The following FGF9 variants were observed in gnomAD, a reference collection of about 807,000 sequenced individuals.
FGF9 encodes fibroblast growth factor 9.
A neutral mutation model predicts 19.9 loss-of-function variants in FGF9; 3 were observed. The observed-to-expected ratio is 0.15, with a 90% confidence interval of 0.07 to 0.39. The LOEUF (loss-of-function observed/expected upper bound fraction) is 0.39. FGF9 is among the 10% of genes least tolerant of loss of function. The pLI is 1.00. For synonymous variants in FGF9, 107 were observed against 106.9 expected (o/e 1.00, Z -0.01); for missense variants, 175 against 256.8 (o/e 0.68, Z 2.18).
Position 21,671,408 on chromosome 13 carries a change from G to A in FGF9, c.-505G>A. 1 of 401,318 alleles carries A rather than the reference G, an allele frequency of 2.5e-6. No individual in the cohort carries two copies. The allele number at this position is 401,318 out of a possible 1,614,324, so 24.9% of individuals were successfully genotyped here. On this transcript the variant is annotated 5_prime_UTR_variant, in exon 1 of 3. It removes an upstream start codon present in the reference 5' UTR. Transcript: ENST00000382353. ...TTCCCCTTGAAGGATTCATGCTGAT[G>A]TCTGCAGAGTCGGTTAGAGAGTAAA...
At chr13:21,684,629 T>C (rs1467719164) in intron 2 of FGF9, among the ~76,000 whole-genome samples, 2 of 152,262 alleles carry the variant, frequency 1.3e-5, no homozygotes, top group East Asian at 3.9e-4. Context: ...GATAATGTAG[T>C]GTCAAGGGCA....
chr13:21,695,980 C>T (rs975688582), intron 2 of FGF9, among the ~76,000 whole-genome samples: 2 of 152,162 alleles, frequency 1.3e-5, no homozygotes, highest in Admixed American at 6.5e-5. Context: ...TTTAAAATAA[C>T]AGCATGGCGT....
chr13:21,686,270 C>T (rs1050292519), intron 2 of FGF9, among the ~76,000 whole-genome samples: 3 of 152,186 alleles, frequency 2.0e-5, no homozygotes, highest in Non-Finnish European at 4.4e-5. Context: ...ATCAAGTGAT[C>T]TGCCAGCCTC....
Position 21,672,332 on chromosome 13 carries a change from C to T in FGF9, c.277+143C>T, listed in dbSNP as rs1023897311. 8 of 918,296 alleles carry T rather than the reference C, an allele frequency of 8.7e-6. No homozygotes were observed. Among genetic ancestry groups the T allele is most frequent in the Non-Finnish European group, 1.4e-5 (8 of 587,036 alleles). The allele number at this position is 918,296 out of a possible 1,614,324, so 56.9% of individuals were successfully genotyped here. ...TCTGTATCTCTGTCTCTCTCTCTCT[C>T]TGTCTTGCCAGCTCCGAAAAAAAAA... On this transcript the variant is annotated intron_variant, in intron 1 of 2. Transcript: ENST00000382353. The surrounding 1 kb of genome is among the most constrained non-coding windows in gnomAD (Gnocchi z 4.2).
rs1871780186 is a variant in FGF9 at position 21,672,001 on chromosome 13, C to T, written c.89C>T (p.Pro30Leu). 3.7e-6 allele frequency: 6 copies of T among 1,614,154 alleles called. No individual in the cohort carries two copies. The highest frequency in any genetic ancestry group is 4.2e-6 in the Non-Finnish European group (5 of 1,180,020). Residue 30 changes from proline (P) to leucine (L), a missense_variant, in exon 1 of 3, where the codon CCG becomes CTG. Physicochemically the swap from Pro to Leu is moderately conservative, Grantham distance 98 (BLOSUM62 -3). Around this residue, in one of 3 missense-constraint regions of FGF9, gnomAD observed 69 missense variants for 73.6 expected, o/e 0.94. Coordinates refer to ENST00000382353, the MANE Select transcript of FGF9 (RefSeq NM_002010.3). This position sits in a 1 kb window ranked among gnomAD's most constrained non-coding sequence, Gnocchi z 4.2. ...GNVPVLPVDS[P>L]VLLSDHLGQS... is the part of the protein sequence containing the mutation. Reference sequence around the variant, plus strand: ...GTGCCCGTGTTGCCGGTGGACAGCCCGGTTTTGTTAAGTGACCACCTGGGT... The same window carrying T: ...GTGCCCGTGTTGCCGGTGGACAGCCTGGTTTTGTTAAGTGACCACCTGGGT...
intron 2 of FGF9, 65 bp downstream of exon 2, chr13:21,681,210 C>G (rs1193502665): frequency 8.0e-6 from 10 of 1,251,994 alleles, no homozygotes; most frequent in Non-Finnish European, 1.2e-5. Flanking sequence ...TGTCTTTTCT[C>G]TGGATTAAAA....
chr13:21,674,448 C>G (rs1464552348), intron 1 of FGF9, among the ~76,000 whole-genome samples: 1 of 150,980 alleles, frequency 6.6e-6, no homozygotes, highest in Non-Finnish European at 1.5e-5. Context: ...TCGCCGATCG[C>G]GATCTGGCTT....
intron 1 of FGF9, among the ~76,000 whole-genome samples, chr13:21,678,532 T>G (rs1375375409): frequency 6.6e-6 from 1 of 152,208 alleles, no homozygotes; most frequent in Admixed American, 6.5e-5. Context: ...ACTATTACAA[T>G]TATCATTGCT....
At position 21,672,969 on chromosome 13, in the gene FGF9, C is replaced by T. The variant is rs923614934; in HGVS notation, c.277+780C>T. On this transcript the variant is annotated intron_variant, in intron 1 of 2. Coordinates refer to ENST00000382353, the MANE Select transcript of FGF9 (RefSeq NM_002010.3). This position sits in a 1 kb window ranked among gnomAD's most constrained non-coding sequence, Gnocchi z 4.2. ...TGCGAGCGAATTTTAAAGGGCATTC[C>T]GAGGATTTCATTTTTCAGCGGAGGG... Among the ~76,000 whole-genome samples the T allele has an allele frequency of 1.3e-5, 2 of 152,114 alleles. No homozygotes were observed. The highest frequency in any genetic ancestry group is 2.9e-5 in the Non-Finnish European group (2 of 68,028).
chr13:21,692,135 T>C (rs1028257040), intron 2 of FGF9, among the ~76,000 whole-genome samples: 1 of 152,210 alleles, frequency 6.6e-6, no homozygotes, highest in African/African-American at 2.4e-5. Flanking sequence ...AGCGTGATTG[T>C]TTTGCTGTAG....
chr13:21,675,572 T>G (rs796859550), intron 1 of FGF9, among the ~76,000 whole-genome samples: 17 of 152,156 alleles, frequency 1.1e-4, no homozygotes, highest in Middle Eastern at 3.4e-3. Flanking sequence ...GGCCTCACCT[T>G]CGGCCCTCCT....
chr13:21,696,329 C>T (rs9509837), intron 2 of FGF9, among the ~76,000 whole-genome samples: 108,444 of 151,768 alleles, frequency 0.71, 41,872 homozygotes, highest in East Asian at 0.96. Context: ...TGCTAACATT[C>T]ACCAGATTTT....
At position 21,681,157 on chromosome 13, in the gene FGF9, A is replaced by G. The variant is rs753344147; in HGVS notation, c.381+12A>G. ...AGCTGTATGGATCAGTAAGTACTGG[A>G]GGGACTTCATCCAGCTTTATCTCCA... On this transcript the variant is annotated intron_variant, in intron 2 of 2. Coordinates refer to ENST00000382353, the MANE Select transcript of FGF9 (RefSeq NM_002010.3). 12 of 1,567,750 alleles carry G rather than the reference A, an allele frequency of 7.7e-6. No individual in the cohort carries two copies. Among genetic ancestry groups the G allele is most frequent in the Non-Finnish European group, 9.7e-6 (11 of 1,138,188 alleles).
rs1347405990 is a variant in FGF9, at chr13:21,672,263, C to G, written c.277+74C>G. 66 of 1,545,864 alleles carry G rather than the reference C, an allele frequency of 4.3e-5. No homozygotes were observed. Among genetic ancestry groups the G allele is most frequent in the Non-Finnish European group, 5.7e-5 (64 of 1,120,730 alleles). On this transcript the variant is annotated intron_variant, in intron 1 of 2. Coordinates refer to ENST00000382353, the MANE Select transcript of FGF9 (RefSeq NM_002010.3). This position sits in a 1 kb window ranked among gnomAD's most constrained non-coding sequence, Gnocchi z 4.2. ...TTATAACTACCAAGAAGGTGGTGGC[C>G]GGGTGGGGGACGTGGGAAGGGTTCT...
chr13:21,701,039 TC>T, intron 2 of FGF9, 150 bp from the exon 3 acceptor site: 2 of 612,526 alleles, frequency 3.3e-6, no homozygotes. Context: ...AATTTTTAGT[TC>T]TGGGGTACAT....
chr13:21,679,368 T>C (rs1427790256), intron 1 of FGF9, among the ~76,000 whole-genome samples: 2 of 152,242 alleles, frequency 1.3e-5, no homozygotes, highest in East Asian at 3.8e-4. Flanking sequence ...GTTCATGTCT[T>C]CTTTTGATTG....
intron 2 of FGF9, among the ~76,000 whole-genome samples, chr13:21,695,355 C>G (rs1031048857): frequency 6.6e-6 from 1 of 152,036 alleles, no homozygotes; most frequent in Non-Finnish European, 1.5e-5. Flanking sequence ...TTCAATTGTT[C>G]CCACAATTCT....
chr13:21,696,030 T>C (rs868409152), intron 2 of FGF9, among the ~76,000 whole-genome samples: 1 of 152,262 alleles, frequency 6.6e-6, no homozygotes, highest in Non-Finnish European at 1.5e-5. Flanking sequence ...AAGTCTTGAC[T>C]TTTGAAACAA....
chr13:21,680,024 C>T (rs988371696), intron 1 of FGF9, among the ~76,000 whole-genome samples: 12 of 151,148 alleles, frequency 7.9e-5, no homozygotes, highest in African/African-American at 2.9e-4. Context: ...CTTATAACCA[C>T]ACTGTAGTTA....
Sources: gnomAD v4.1 joint callset for allele counts (sites outside exome capture counted in the v4.1 genomes callset) on GRCh38, gnomAD v4.1.1 for gene constraint, gnomAD v4.1.1 regional missense constraint, Gnocchi (gnomAD v3.1) non-coding constraint, MANE v1.5 for transcripts, NCBI Gene and HGNC (gene_info 2026-07-23, HGNC 2026-07-21) for gene names.